Variants in THEMIS observed in about 807,000 individuals in gnomAD.
THEMIS encodes thymocyte selection associated, also known as protein THEMIS.
A neutral mutation model predicts 52.6 loss-of-function variants in THEMIS; 37 were observed. That is an observed-to-expected ratio of 0.70 (90% CI 0.54 to 0.93). The LOEUF (loss-of-function observed/expected upper bound fraction) is 0.93, where lower values mean the gene tolerates loss of function less well. Ranked by LOEUF, THEMIS falls within the 40% of genes least tolerant of loss-of-function variation. THEMIS has a pLI of 0.00. For missense variants in THEMIS, 808 were observed against 763.1 expected (o/e 1.06, Z -0.69); for synonymous variants, 292 against 272.7 (o/e 1.07, Z -0.70).
rs71028104 is a variant in THEMIS at position 127,759,856 on chromosome 6, CTCCT to C, written c.1759-40037_1759-40034del. On this transcript the variant is annotated intron_variant, in intron 4 of 5. Transcript: ENST00000368248. ...CCTCCCTCCCTCCCTCCCTCCCTCC[CTCCT>C]TCCTTCCTTCCTTCCTTCCTCTCTC... Among the ~76,000 whole-genome samples, 871 of 119,346 alleles carry C rather than the reference CTCCT, an allele frequency of 7.3e-3. 15 individuals are homozygous for C. The highest frequency in any genetic ancestry group is 0.026 in the African/African-American group (682 of 26,544). The allele number at this position is 119,346 out of a possible 152,430, so 78.3% of individuals were successfully genotyped here.
chr6:127,877,818 C>T (rs895879553), intron 1 of THEMIS, among the ~76,000 whole-genome samples: 1 of 151,838 alleles, frequency 6.6e-6, no homozygotes, highest in Admixed American at 6.6e-5. Flanking sequence ...TAGAATTGCT[C>T]GATACAGGTG....
At chr6:127,747,478 A>T (rs1775490343) in intron 4 of THEMIS, among the ~76,000 whole-genome samples, 2 of 150,132 alleles carry the variant, frequency 1.3e-5, no homozygotes, top group African/African-American at 4.9e-5. Flanking sequence ...GACAATGTTA[A>T]ATTTATATTA....
intron 5 of THEMIS, among the ~76,000 whole-genome samples, chr6:127,719,081 G>A (rs1381147181): frequency 1.3e-5 from 2 of 151,654 alleles, no homozygotes; most frequent in African/African-American, 4.8e-5. Flanking sequence ...AAATTGAGGG[G>A]GTTTGGTGTG....
chr6:127,859,979 G>C (rs971169064), intron 1 of THEMIS, among the ~76,000 whole-genome samples: 15 of 152,132 alleles, frequency 9.9e-5, no homozygotes, highest in Non-Finnish European at 1.9e-4. Flanking sequence ...TAAAGGAAAT[G>C]TTTAAGTGTA....
intron 4 of THEMIS, among the ~76,000 whole-genome samples, chr6:127,770,470 G>A (rs1012107728): frequency 3.9e-5 from 6 of 152,082 alleles, no homozygotes; most frequent in Admixed American, 1.3e-4. Flanking sequence ...TGATGGGGTT[G>A]TTTGATTTTT....
chr6:127,816,440 A>G (rs991452836), intron 3 of THEMIS, among the ~76,000 whole-genome samples: 1 of 152,182 alleles, frequency 6.6e-6, no homozygotes, highest in African/African-American at 2.4e-5. Flanking sequence ...CAAAATTAAC[A>G]TGCTTAAACT....
chr6:127,803,323 G>A (rs1455540083), intron 4 of THEMIS, among the ~76,000 whole-genome samples: 1 of 152,070 alleles, frequency 6.6e-6, no homozygotes, highest in Non-Finnish European at 1.5e-5. Context: ...ACCCGAAAAT[G>A]TTCCTCTTGT....
At chr6:127,730,326 G>GAAAAGAAAAGAAAAA (rs1774738246) in intron 4 of THEMIS, among the ~76,000 whole-genome samples, 2 of 128,638 alleles carry the variant, frequency 1.6e-5, no homozygotes, top group African/African-American at 2.9e-5. Flanking sequence ...GAGAAAAAAA[G>GAAAAGAAAAGAAAAA]AAAAGAAAAG....
At chr6:127,890,483 T>C (rs1170704414) in intron 1 of THEMIS, among the ~76,000 whole-genome samples, 1 of 152,004 alleles carries the variant, frequency 6.6e-6, no homozygotes, top group African/African-American at 2.4e-5. Flanking sequence ...GATACAGAAA[T>C]ACAGTTAGCT....
At chr6:127,800,781 C>T (rs1469881723) in intron 4 of THEMIS, among the ~76,000 whole-genome samples, 1 of 152,182 alleles carries the variant, frequency 6.6e-6, no homozygotes. Flanking sequence ...GTGCTGGATG[C>T]TTCCTGCCCT....
chr6:127,753,287 G>A (rs1389022053), intron 4 of THEMIS, among the ~76,000 whole-genome samples: 1 of 151,868 alleles, frequency 6.6e-6, no homozygotes, highest in East Asian at 1.9e-4. Context: ...AACACTGTTA[G>A]AACTAGTAAA....
chr6:127,871,626 G>A (rs1322471111), intron 1 of THEMIS, among the ~76,000 whole-genome samples: 1 of 151,930 alleles, frequency 6.6e-6, no homozygotes, highest in Non-Finnish European at 1.5e-5. Context: ...TAGCACTACA[G>A]AACATTCAGA....
rs749074095 is a variant in THEMIS, at chr6:127,813,035, T to A, written c.1606A>T (p.Thr536Ser). Residue 536 changes from threonine (T) to serine (S), a missense_variant, in exon 4 of 6, where the codon ACT becomes TCT. Physicochemically the swap from Thr to Ser is moderately conservative, Grantham distance 58 (BLOSUM62 1). Coordinates refer to ENST00000368248, the MANE Select transcript of THEMIS (RefSeq NM_001010923.3). ...CGCATCATGTAATATTGCTCTTCAG[T>A]GATCTCTTCTACCAGAGTCCTGACT... Reference protein sequence around the residue: ...FLVRTLVEEITEEQYYMMRRY... With the variant: ...FLVRTLVEEISEEQYYMMRRY... The A allele has an allele frequency of 6.2e-7, 1 of 1,614,136 alleles. No individual in the cohort carries two copies. The highest frequency in any genetic ancestry group is 8.5e-7 in the Non-Finnish European group (1 of 1,180,024).
intron 2 of THEMIS, among the ~76,000 whole-genome samples, chr6:127,850,536 C>A (rs1469887085): frequency 6.6e-6 from 1 of 151,804 alleles, no homozygotes; most frequent in Non-Finnish European, 1.5e-5. Flanking sequence ...ATATATACAC[C>A]ATGGAATATT....
chr6:127,775,127 G>A (rs1015204351), intron 4 of THEMIS, among the ~76,000 whole-genome samples: 1 of 152,110 alleles, frequency 6.6e-6, no homozygotes, highest in African/African-American at 2.4e-5. Flanking sequence ...TATGTTCCCT[G>A]GGGTGGTTCT....
intron 1 of THEMIS, among the ~76,000 whole-genome samples, chr6:127,888,348 A>T (rs1780706267): frequency 6.6e-6 from 1 of 152,106 alleles, no homozygotes; most frequent in Non-Finnish European, 1.5e-5. Context: ...GATTTTAGAA[A>T]TGAAAGAAGG....
chr6:127,778,778 C>T (rs912407195), intron 4 of THEMIS, among the ~76,000 whole-genome samples: 2 of 148,792 alleles, frequency 1.3e-5, no homozygotes, highest in Non-Finnish European at 3.0e-5. Flanking sequence ...TCATCCAGTT[C>T]GACTATACTG....
intron 4 of THEMIS, among the ~76,000 whole-genome samples, chr6:127,730,339 A>AAAAAAAGAAAAGAAAAGAAAAGAAG (rs1562219951): frequency 6.6e-6 from 1 of 150,426 alleles, no homozygotes; most frequent in Non-Finnish European, 1.5e-5. Flanking sequence ...AAGAAAAGAA[A>AAAAAAAGAAAAGAAAAGAAAAGAAG]AGAAGAGAAG....
chr6:127,797,478 G>T (rs965821715), intron 4 of THEMIS, among the ~76,000 whole-genome samples: 4 of 152,102 alleles, frequency 2.6e-5, no homozygotes, highest in African/African-American at 7.2e-5. Context: ...TGACATAAGT[G>T]CAGTTTTCTT....
Sources: gnomAD v4.1 joint callset for allele counts (sites outside exome capture counted in the v4.1 genomes callset) on GRCh38, gnomAD v4.1.1 for gene constraint, MANE v1.5 for transcripts, NCBI Gene and HGNC (gene_info 2026-07-23, HGNC 2026-07-21) for gene names.